SRC: variants seen among roughly 807,000 people sequenced by gnomAD.
The protein encoded by SRC is proto-oncogene tyrosine-protein kinase Src.
A neutral mutation model predicts 62.9 loss-of-function variants in SRC; 13 were observed. The ratio of observed to expected loss-of-function variants is 0.21; its 90% CI spans 0.13 to 0.33. The LOEUF is 0.33. Among genes scored for constraint, SRC ranks in the 10% least tolerant of loss-of-function variants. The pLI is 1.00. For synonymous variants in SRC, 302 were observed against 317.5 expected (o/e 0.95, Z 0.52); for missense variants, 457 against 737.3 (o/e 0.62, Z 4.40).
chr20:37,401,832 C>G (rs965589945), intron 11 of SRC, 154 bp downstream of exon 11: 3 of 563,622 alleles, frequency 5.3e-6, no homozygotes, highest in Non-Finnish European at 6.1e-6. Context: ...TTTACCAGGT[C>G]TGCTTACAGG....
chr20:37,360,899 G>A (rs1285194835), intron 1 of SRC, among the ~76,000 whole-genome samples: 1 of 152,202 alleles, frequency 6.6e-6, no homozygotes, highest in Admixed American at 6.5e-5. Flanking sequence ...GCACAGAGAG[G>A]TGGAGTAACT....
chr20:37,401,784 C>T (rs1006921542), intron 11 of SRC, 106 bp downstream of exon 11: 44 of 722,582 alleles, frequency 6.1e-5, no homozygotes, highest in Middle Eastern at 7.7e-4. Context: ...AGAAGCCTGC[C>T]TTGATTGCCT....
At position 37,402,910 on chromosome 20, in the gene SRC, T is replaced by G. The variant is rs1299617889; in HGVS notation, c.1402+30T>G. 6.2e-7 allele frequency: 1 copy of G among 1,602,584 alleles called. No homozygotes were observed. Among genetic ancestry groups the G allele is most frequent in the Non-Finnish European group, 8.5e-7 (1 of 1,174,288 alleles). Reference sequence around the variant, plus strand: ...GAAGGTCCTCATGGCCTGTCTGTGGTCCCTGAATCCCTCTGCCCTGGTGGC... The same window carrying G: ...GAAGGTCCTCATGGCCTGTCTGTGGGCCCTGAATCCCTCTGCCCTGGTGGC... On this transcript the variant is annotated intron_variant, in intron 13 of 13. Coordinates refer to ENST00000373578, the MANE Select transcript of SRC (RefSeq NM_198291.3). The surrounding 1 kb of genome is among the most constrained non-coding windows in gnomAD (Gnocchi z 6.2).
intron 2 of SRC, among the ~76,000 whole-genome samples, chr20:37,380,736 G>A (rs756013839): frequency 4.6e-5 from 7 of 152,212 alleles, no homozygotes; most frequent in Non-Finnish European, 1.0e-4. Context: ...ACAGTGGAGG[G>A]CACTGGGTGG....
chr20:37,370,273 T>G (rs1214840821), intron 2 of SRC, among the ~76,000 whole-genome samples: 1 of 152,238 alleles, frequency 6.6e-6, no homozygotes, highest in Non-Finnish European at 1.5e-5. Context: ...TAATCGATTT[T>G]CAGAAGTTAA....
chr20:37,397,664 G>T lies in SRC; in HGVS notation c.704-35G>T. On this transcript the variant is annotated intron_variant, in intron 8 of 13. Coordinates refer to ENST00000373578, the MANE Select transcript of SRC (RefSeq NM_198291.3). This position sits in a 1 kb window ranked among gnomAD's most constrained non-coding sequence, Gnocchi z 4.1. ...GGGGCAGGGAGGCCCCAGGGCAGAAGACCCGCCTAACTGCTCCTCCTGCCT... is the reference window on the plus strand; with the variant it reads ...GGGGCAGGGAGGCCCCAGGGCAGAATACCCGCCTAACTGCTCCTCCTGCCT... 6.5e-7 allele frequency: 1 copy of T among 1,528,328 alleles called. No homozygotes were observed. The highest frequency in any genetic ancestry group is 1.3e-5 in the South Asian group (1 of 77,852). The allele number at this position is 1,528,328 out of a possible 1,614,324, so 94.7% of individuals were successfully genotyped here. A position where few individuals can be genotyped will look rare whatever the true frequency, so the allele number is the denominator to read the frequency against.
chr20:37,405,177 A>G lies in SRC; in HGVS notation c.*1798A>G. ...GGCTCACTCACCCCAGCGAGCTCTC[A>G]AATCCCTCTCCAACTGCCTAAGGCC... On this transcript the variant is annotated 3_prime_UTR_variant, in exon 14 of 14. Coordinates refer to ENST00000373578, the MANE Select transcript of SRC (RefSeq NM_198291.3). 1 of 231,808 alleles carries G rather than the reference A, an allele frequency of 4.3e-6. No homozygotes were observed. Among genetic ancestry groups the G allele is most frequent in the Non-Finnish European group, 8.5e-6 (1 of 117,130 alleles). The allele number at this position is 231,808 out of a possible 1,614,324, so 14.4% of individuals were successfully genotyped here. A position where few individuals can be genotyped will look rare whatever the true frequency, so the allele number is the denominator to read the frequency against.
intron 1 of SRC, among the ~76,000 whole-genome samples, chr20:37,359,583 C>A (rs540381683): frequency 6.6e-6 from 1 of 151,960 alleles, no homozygotes; most frequent in Non-Finnish European, 1.5e-5. Context: ...GGGGAGACCC[C>A]GAGGCAGGGG....
chr20:37,390,387 G>A (rs1435733052), intron 5 of SRC, among the ~76,000 whole-genome samples: 3 of 135,368 alleles, frequency 2.2e-5, no homozygotes. Context: ...CTCTGATCTG[G>A]CTTTTTTTTT....
At position 37,402,718 on chromosome 20, in the gene SRC, A is replaced by G. The variant is rs2070758899; in HGVS notation, c.1271-31A>G. ...AGCAGAGCGGTCATGACAGGAGGTC[A>G]GAGCTGCCCTGACCTTTCTCGTTCC... On this transcript the variant is annotated intron_variant, in intron 12 of 13. Coordinates refer to ENST00000373578, the MANE Select transcript of SRC (RefSeq NM_198291.3). This position sits in a 1 kb window ranked among gnomAD's most constrained non-coding sequence, Gnocchi z 6.2. 6.3e-7 allele frequency: 1 copy of G among 1,593,688 alleles called. No individual in the cohort carries two copies. Among genetic ancestry groups the G allele is most frequent in the Non-Finnish European group, 8.6e-7 (1 of 1,169,082 alleles).
At chr20:37,382,926 G>A (rs1466560474) in intron 3 of SRC, 140 bp downstream of exon 3, 3 of 152,296 alleles carry the variant, frequency 2.0e-5, no homozygotes, top group African/African-American at 7.2e-5. Flanking sequence ...GTCAGGGGGA[G>A]TTTTCAACTT....
Position 37,384,097 on chromosome 20 carries a change from C to T in SRC, c.-4-53C>T, listed in dbSNP as rs1282025530. ...TGGAATGGGTGGGAGGGAGGCCGGCCAAGGGGCCCCGGCAGCCCTGCCTGT... is the reference window on the plus strand; with the variant it reads ...TGGAATGGGTGGGAGGGAGGCCGGCTAAGGGGCCCCGGCAGCCCTGCCTGT... On this transcript the variant is annotated intron_variant, in intron 3 of 13. Transcript: ENST00000373578. The surrounding 1 kb of genome is among the most constrained non-coding windows in gnomAD (Gnocchi z 6.7). 7 of 1,584,466 alleles carry T rather than the reference C, an allele frequency of 4.4e-6. No individual in the cohort carries two copies. Among genetic ancestry groups the T allele is most frequent in the Non-Finnish European group, 6.0e-6 (7 of 1,171,142 alleles).
rs186923753 is a variant in SRC, at chr20:37,388,958, C to A, written c.350+2784C>A. Among the ~76,000 whole-genome samples the A allele has an allele frequency of 1.3e-3, 195 of 152,222 alleles. 2 individuals carry two copies. Among genetic ancestry groups the A allele is most frequent in the African/African-American group, 4.5e-3 (187 of 41,522 alleles). ...CTATTACTGTGCAGTGCCTCCCCCA[C>A]CCTGTAAGAGTGGGGGGCTTTCTGA... On this transcript the variant is annotated intron_variant, in intron 5 of 13. Coordinates refer to ENST00000373578, the MANE Select transcript of SRC (RefSeq NM_198291.3).
At position 37,396,591 on chromosome 20, in the gene SRC, G is replaced by C. The variant is rs1044084124; in HGVS notation, c.703+280G>C. The C allele has an allele frequency of 2.1e-5, 11 of 513,938 alleles. No individual in the cohort carries two copies. The highest frequency in any genetic ancestry group is 3.9e-5 in the Non-Finnish European group (11 of 284,098). 31.8% of individuals were successfully genotyped at this position (513,938 alleles called of 1,614,324 possible). Reference sequence around the variant, plus strand: ...TTTCTCTGCAGCTGGCTGGTATGGAGGGGGCTGCCCTGAGGAGCCCCAGAG... The same window carrying C: ...TTTCTCTGCAGCTGGCTGGTATGGACGGGGCTGCCCTGAGGAGCCCCAGAG... On this transcript the variant is annotated intron_variant, in intron 8 of 13. Transcript: ENST00000373578. The surrounding 1 kb of genome is among the most constrained non-coding windows in gnomAD (Gnocchi z 6.1).
At chr20:37,365,006 A>G (rs1010548043) in intron 1 of SRC, among the ~76,000 whole-genome samples, 198 bp from the exon 2 acceptor site, 2 of 151,908 alleles carry the variant, frequency 1.3e-5, no homozygotes, top group African/African-American at 4.8e-5. Context: ...GGTCCTTGGA[A>G]CACTTGCTCT....
chr20:37,387,144 A>T (rs1207290113), intron 5 of SRC, among the ~76,000 whole-genome samples: 4 of 152,220 alleles, frequency 2.6e-5, no homozygotes, highest in African/African-American at 9.6e-5. Flanking sequence ...GGCCTGGCTA[A>T]GGAAGTTGGG....
At position 37,401,693 on chromosome 20, in the gene SRC, C is replaced by T. The variant is rs1047079579; in HGVS notation, c.1116+15C>T. 2 of 1,599,566 alleles carry T rather than the reference C, an allele frequency of 1.3e-6. No individual in the cohort carries two copies. Among genetic ancestry groups the T allele is most frequent in the African/African-American group, 1.3e-5 (1 of 74,416 alleles). The stretch of plus-strand genomic sequence containing the variant: ...TGGCTGCTCAGGTGAGTCAGCCCCT[C>T]CCGCCTCCCCACACCCTTGGTCCTC... On this transcript the variant is annotated intron_variant, in intron 11 of 13. Transcript: ENST00000373578.
intron 2 of SRC, among the ~76,000 whole-genome samples, chr20:37,376,797 C>T (rs2070285365): frequency 6.6e-6 from 1 of 152,240 alleles, no homozygotes; most frequent in South Asian, 2.1e-4. Context: ...GCCATTGTGC[C>T]CGGCCCCACC....
At chr20:37,378,563 G>T (rs1279824468) in intron 2 of SRC, among the ~76,000 whole-genome samples, 1 of 152,212 alleles carries the variant, frequency 6.6e-6, no homozygotes, top group Admixed American at 6.5e-5. Flanking sequence ...CTGAAACAGT[G>T]TGTTGGGGTC....
Sources: allele counts gnomAD v4.1 joint callset (sites outside exome capture counted in the v4.1 genomes callset), GRCh38; gene constraint gnomAD v4.1.1; non-coding constraint Gnocchi (gnomAD v3.1); transcripts MANE v1.5; gene names NCBI Gene and HGNC (gene_info 2026-07-23, HGNC 2026-07-21).